The following CUEDC1 variants were observed in gnomAD, a reference collection of about 807,000 sequenced individuals.
CUEDC1 encodes CUE domain-containing protein 1.
A neutral mutation model predicts 43.7 loss-of-function variants in CUEDC1; 30 were observed. The observed-to-expected ratio is 0.69, with a 90% CI of 0.51 to 0.93. The LOEUF (loss-of-function observed/expected upper bound fraction) is 0.93. CUEDC1 is among the 40% of genes least tolerant of loss of function. CUEDC1 has a pLI of 0.00. For synonymous variants in CUEDC1, 223 were observed against 223.6 expected (o/e 1.00, Z 0.02); for missense variants, 486 against 549.0 (o/e 0.89, Z 1.15).
At chr17:57,873,303 C>T (rs1471899804) in intron 4 of CUEDC1, among the ~76,000 whole-genome samples, 2 of 152,172 alleles carry the variant, frequency 1.3e-5, no homozygotes, top group African/African-American at 2.4e-5. Flanking sequence ...TGCTCTGGCC[C>T]TCCACCATTG....
intron 1 of CUEDC1, among the ~76,000 whole-genome samples, chr17:57,911,749 C>T (rs1235364160): frequency 2.0e-5 from 3 of 152,162 alleles, no homozygotes; most frequent in Admixed American, 6.5e-5. Flanking sequence ...TCAAGTGATC[C>T]GCCCTCTTCT....
At chr17:57,935,760 C>G (rs934628698) in intron 1 of CUEDC1, among the ~76,000 whole-genome samples, 2 of 152,198 alleles carry the variant, frequency 1.3e-5, no homozygotes, top group African/African-American at 4.8e-5. Flanking sequence ...GCAGCCTCAG[C>G]GCCTGGCCGT....
In CUEDC1 at chr17:57,885,560, G is replaced by A; in HGVS notation, c.5C>T (p.Thr2Ile). The stretch of plus-strand genomic sequence containing the variant: ...GCTGCTGCTCCGGCGGAACAGGCTG[G>A]TCATTTTGCGGAGCCGCTTGGGGAA... Reference protein sequence around the residue: MTSLFRRSSSGS... With the variant: MISLFRRSSSGS... The change falls in exon 2 of 11, where the codon ACC (threonine) becomes ATC (isoleucine). Residue 2 changes from threonine (T) to isoleucine (I), a missense_variant. By Grantham distance (89) the Thr-to-Ile change is moderately conservative (BLOSUM62 -1). Transcript: ENST00000577830. The A allele has an allele frequency of 7.4e-7, 1 of 1,357,420 alleles. No homozygotes were observed. The highest frequency in any genetic ancestry group is 1.8e-5 in the South Asian group (1 of 55,968). 84.1% of individuals were successfully genotyped at this position (1,357,420 alleles called of 1,614,324 possible).
In CUEDC1 at chr17:57,871,816, T is replaced by C. The variant is rs183836051; in HGVS notation, c.785-447A>G. Among the ~76,000 whole-genome samples, 29 of 152,194 alleles carry C rather than the reference T, an allele frequency of 1.9e-4. No homozygotes were observed. The East Asian group carries it at 5.4e-3, about 28-fold the overall frequency. On this transcript the variant is annotated intron_variant, in intron 5 of 10. Transcript: ENST00000577830. Reference sequence around the variant, plus strand: ...GCGTGCGCCTATAATCCCAGCTACTTGAAAAACTGAGGCAGGAGAAACACT... The same window carrying C: ...GCGTGCGCCTATAATCCCAGCTACTCGAAAAACTGAGGCAGGAGAAACACT...
intron 1 of CUEDC1, among the ~76,000 whole-genome samples, chr17:57,908,153 T>C (rs1045967590): frequency 1.3e-5 from 2 of 152,006 alleles, no homozygotes; most frequent in African/African-American, 4.8e-5. Context: ...ACCTCCCAGG[T>C]TCAAGTGATT....
At chr17:57,940,690 A>G (rs2074909300) in intron 1 of CUEDC1, among the ~76,000 whole-genome samples, 1 of 152,260 alleles carries the variant, frequency 6.6e-6, no homozygotes, top group African/African-American at 2.4e-5. Context: ...GCCCTTCAGC[A>G]GGATGCTGCA....
intron 1 of CUEDC1, among the ~76,000 whole-genome samples, chr17:57,950,724 C>A (rs1354261190): frequency 6.6e-6 from 1 of 152,158 alleles, no homozygotes; most frequent in African/African-American, 2.4e-5. Context: ...CCGCCCGCCT[C>A]GGCCTCCCAA....
At chr17:57,947,064 T>C (rs1249414354) in intron 1 of CUEDC1, among the ~76,000 whole-genome samples, 2 of 151,670 alleles carry the variant, frequency 1.3e-5, no homozygotes, top group Non-Finnish European at 2.9e-5. Context: ...AGTGAAATCA[T>C]TTCAGGAGCC....
At chr17:57,899,050 T>C (rs376761061) in intron 1 of CUEDC1, among the ~76,000 whole-genome samples, 1 of 151,782 alleles carries the variant, frequency 6.6e-6, no homozygotes, top group East Asian at 1.9e-4. Context: ...CTGAGGAATG[T>C]AGGCCCAGGA....
intron 1 of CUEDC1, among the ~76,000 whole-genome samples, chr17:57,914,370 G>C (rs747810039): frequency 4.6e-5 from 7 of 152,164 alleles, no homozygotes; most frequent in Admixed American, 2.0e-4. Flanking sequence ...TTAAACCTTG[G>C]GGGGTCGGGA....
intron 5 of CUEDC1, 135 bp downstream of exon 5, chr17:57,872,528 G>T: frequency 1.1e-6 from 1 of 943,384 alleles, no homozygotes. Context: ...TAACTTGGTG[G>T]GAGTCATGCC....
At chr17:57,878,166 G>A (rs971251736) in intron 3 of CUEDC1, among the ~76,000 whole-genome samples, 8 of 152,250 alleles carry the variant, frequency 5.3e-5, no homozygotes, top group Non-Finnish European at 8.8e-5. Context: ...TTTCTCATTC[G>A]GGAGGTGACA....
At chr17:57,916,272 G>A (rs763437945) in intron 1 of CUEDC1, among the ~76,000 whole-genome samples, 1 of 152,216 alleles carries the variant, frequency 6.6e-6, no homozygotes, top group African/African-American at 2.4e-5. Flanking sequence ...CATCCCGATG[G>A]CCTTGTGATG....
At chr17:57,948,608 C>T (rs2074978806) in intron 1 of CUEDC1, among the ~76,000 whole-genome samples, 1 of 152,208 alleles carries the variant, frequency 6.6e-6, no homozygotes, top group Non-Finnish European at 1.5e-5. Context: ...TGACATGGAC[C>T]TCTAGGGGCC....
In CUEDC1 at chr17:57,863,024, T is replaced by G. The variant is rs1387693022; in HGVS notation, c.*265A>C. The G allele has an allele frequency of 6.6e-6, 1 of 151,926 alleles. No homozygotes were observed. The highest frequency in any genetic ancestry group is 1.5e-5 in the Non-Finnish European group (1 of 67,884). The allele number at this position is 151,926 out of a possible 1,614,324, so 9.4% of individuals were successfully genotyped here. ...TCCACTCTTTGACCATAGGAACGCC[T>G]GGCTACAAAAGGGGCTGTAATTGGC... is the stretch of plus-strand genomic sequence containing the variant. On this transcript the variant is annotated 3_prime_UTR_variant, in exon 11 of 11. Transcript: ENST00000577830.
intron 1 of CUEDC1, among the ~76,000 whole-genome samples, chr17:57,922,081 C>G (rs1673477909): frequency 6.6e-6 from 1 of 152,136 alleles, no homozygotes; most frequent in Non-Finnish European, 1.5e-5. Flanking sequence ...CCACTGCACT[C>G]CAGCCTGGGC....
intron 1 of CUEDC1, among the ~76,000 whole-genome samples, chr17:57,950,767 C>T (rs545944909): frequency 6.6e-6 from 1 of 152,332 alleles, no homozygotes; most frequent in South Asian, 2.1e-4. Flanking sequence ...GCCACTGCAC[C>T]CTGTGAGCTT....
intron 1 of CUEDC1, among the ~76,000 whole-genome samples, chr17:57,917,983 A>G (rs988063686): frequency 4.6e-5 from 7 of 151,728 alleles, no homozygotes; most frequent in Non-Finnish European, 8.8e-5. Flanking sequence ...TTACCCCCTC[A>G]ACAAGGTGGC....
intron 1 of CUEDC1, among the ~76,000 whole-genome samples, chr17:57,886,975 C>T (rs2074298640): frequency 6.6e-6 from 1 of 152,036 alleles, no homozygotes; most frequent in East Asian, 1.9e-4. Context: ...CCCGCCACCA[C>T]ACCCGGCTAA....
Sources: allele counts gnomAD v4.1 joint callset (sites outside exome capture counted in the v4.1 genomes callset), GRCh38; gene constraint gnomAD v4.1.1; transcripts MANE v1.5; gene names NCBI Gene and HGNC (gene_info 2026-07-23, HGNC 2026-07-21).